The following HYAL4 variants were observed in gnomAD, a reference collection of about 807,000 sequenced individuals.
HYAL4 encodes the protein hyaluronidase-4.
A neutral mutation model predicts 35.2 loss-of-function variants in HYAL4; 37 were observed. The observed-to-expected ratio is 1.05, with a 90% CI of 0.81 to 1.38. The LOEUF is 1.38. Among genes scored for constraint, HYAL4 ranks in the 40% most tolerant of loss-of-function variants. The pLI, the probability that HYAL4 is intolerant of heterozygous loss-of-function variation, is 0.00. For synonymous variants in HYAL4, 198 were observed against 203.2 expected (o/e 0.97, Z 0.22); for missense variants, 572 against 572.4 (o/e 1.00, Z 0.01).
At chr7:123,875,514 G>A (rs995234379) in intron 4 of HYAL4, among the ~76,000 whole-genome samples, 1 of 151,794 alleles carries the variant, frequency 6.6e-6, no homozygotes, top group Admixed American at 6.6e-5. Context: ...AAAATTAGGC[G>A]AGTGTGATGA....
chr7:123,784,067 T>C, the HYAL4 span, among the ~76,000 whole-genome samples: 1 of 152,200 alleles, frequency 6.6e-6, no homozygotes. Flanking sequence ...CAACAGAGTA[T>C]ATGTGTAAAA....
chr7:123,818,491 A>G, the HYAL4 span, among the ~76,000 whole-genome samples: 3 of 152,236 alleles, frequency 2.0e-5, no homozygotes, highest in Non-Finnish European at 4.4e-5. Flanking sequence ...TCCATGAAGT[A>G]TTAAGCACTT....
the HYAL4 span, among the ~76,000 whole-genome samples, chr7:123,822,820 C>A: frequency 1.3e-5 from 2 of 152,104 alleles, no homozygotes; most frequent in Admixed American, 6.6e-5. Flanking sequence ...AAAAAACTAG[C>A]CAGGTGTGTT....
the HYAL4 span, among the ~76,000 whole-genome samples, chr7:123,820,583 CAAA>C: frequency 1.8e-5 from 2 of 113,410 alleles, no homozygotes; most frequent in Non-Finnish European, 1.9e-5. Flanking sequence ...AACTCCATCT[CAAA>C]AAAAAAAAAA....
At chr7:123,798,788 A>C in the HYAL4 span, among the ~76,000 whole-genome samples, 1 of 152,208 alleles carries the variant, frequency 6.6e-6, no homozygotes, top group Non-Finnish European at 1.5e-5. Flanking sequence ...CTTTAATAGA[A>C]TACCCAAGGA....
At chr7:123,854,652 A>G (rs539524177) in intron 2 of HYAL4, among the ~76,000 whole-genome samples, 1 of 152,304 alleles carries the variant, frequency 6.6e-6, no homozygotes, top group South Asian at 2.1e-4. Flanking sequence ...TATGTGGTCA[A>G]TTTAAGAATA....
chr7:123,833,216 C>T (rs562034565), intron 1 of HYAL4, among the ~76,000 whole-genome samples: 2 of 152,302 alleles, frequency 1.3e-5, no homozygotes, highest in Middle Eastern at 3.4e-3. Context: ...GAAGTGTTCC[C>T]GTTCACTACA....
upstream of HYAL4, among the ~76,000 whole-genome samples, chr7:123,825,042 G>A (rs191466094): frequency 2.2e-3 from 339 of 152,114 alleles, 2 homozygotes; most frequent in Middle Eastern, 0.014. Flanking sequence ...CTGGAGATGG[G>A]TAAATGTCTC....
At chr7:123,781,596 A>C in the HYAL4 span, among the ~76,000 whole-genome samples, 13 of 151,968 alleles carry the variant, frequency 8.6e-5, no homozygotes, top group African/African-American at 3.1e-4. Context: ...GGGGCAACCC[A>C]CCCCTACACA....
chr7:123,839,942 G>T (rs928136688), intron 1 of HYAL4, among the ~76,000 whole-genome samples: 1 of 152,112 alleles, frequency 6.6e-6, no homozygotes, highest in Non-Finnish European at 1.5e-5. Flanking sequence ...TAGGTTGCCT[G>T]TTCACTCTGA....
chr7:123,772,564 G>C, the HYAL4 span, among the ~76,000 whole-genome samples: 1 of 152,144 alleles, frequency 6.6e-6, no homozygotes, highest in South Asian at 2.1e-4. Context: ...AGTTAAAATA[G>C]ACAAAAGGGT....
chr7:123,808,676 T>C, the HYAL4 span, among the ~76,000 whole-genome samples: 1 of 152,160 alleles, frequency 6.6e-6, no homozygotes, highest in Non-Finnish European at 1.5e-5. Flanking sequence ...CCAATGGTCT[T>C]AGTCTGTTCA....
chr7:123,831,186 T>C (rs1199997405), intron 1 of HYAL4, among the ~76,000 whole-genome samples: 1 of 152,178 alleles, frequency 6.6e-6, no homozygotes, highest in Non-Finnish European at 1.5e-5. Flanking sequence ...TTAGTTCTCA[T>C]GGGAATGAGT....
intron 1 of HYAL4, among the ~76,000 whole-genome samples, chr7:123,838,978 A>G (rs930619578): frequency 2.0e-5 from 3 of 148,174 alleles, no homozygotes; most frequent in Non-Finnish European, 4.5e-5. Context: ...TTGAAGTTTC[A>G]ATAGTTTTTT....
the HYAL4 span, among the ~76,000 whole-genome samples, chr7:123,808,611 C>G: frequency 1.3e-5 from 2 of 152,164 alleles, no homozygotes; most frequent in African/African-American, 4.8e-5. Flanking sequence ...CAGATCTAGA[C>G]AGAAAGCTGA....
At chr7:123,780,211 C>G in the HYAL4 span, among the ~76,000 whole-genome samples, 1 of 152,152 alleles carries the variant, frequency 6.6e-6, no homozygotes, top group Admixed American at 6.6e-5. Flanking sequence ...AGTAAATAAG[C>G]TGCCTAAATA....
Position 123,877,003 on chromosome 7 carries a change from A to G in HYAL4, c.1294A>G (p.Thr432Ala). 6.2e-7 allele frequency: 1 copy of G among 1,614,234 alleles called. No homozygotes were observed. Among genetic ancestry groups the G allele is most frequent in the South Asian group, 1.1e-5 (1 of 91,084 alleles). Residue 432 changes from threonine (T) to alanine (A), a missense_variant, in exon 5 of 5, where the codon ACA (threonine) becomes GCA (alanine). Physicochemically the swap from Thr to Ala is moderately conservative, Grantham distance 58. Transcript: ENST00000223026. ...TACAGACCTGGCAGTGATGGCAGAT[A>G]CATTTTCCTGTCATTGTTATCAGGG... ...SDTDLAVMAD[T>A]FSCHCYQGYE...
chr7:123,864,688 T>C (rs1382441880), intron 2 of HYAL4, among the ~76,000 whole-genome samples: 1 of 151,128 alleles, frequency 6.6e-6, no homozygotes, highest in African/African-American at 2.4e-5. Flanking sequence ...AGGGCACTTT[T>C]GGAAGGGCAG....
the HYAL4 span, among the ~76,000 whole-genome samples, chr7:123,805,688 A>G: frequency 6.6e-6 from 1 of 152,200 alleles, no homozygotes; most frequent in Non-Finnish European, 1.5e-5. Flanking sequence ...CAAAATGAAA[A>G]TAAGAAGTAA....
Sources: allele counts gnomAD v4.1 joint callset (sites outside exome capture counted in the v4.1 genomes callset), GRCh38; gene constraint gnomAD v4.1.1; transcripts MANE v1.5; gene names NCBI Gene and HGNC (gene_info 2026-07-23, HGNC 2026-07-21).